RBFOX1: variants seen among roughly 807,000 people sequenced by gnomAD.
RBFOX1 encodes the protein RNA binding fox-1 homolog 1, also known as RNA binding protein fox-1 homolog 1.
In RBFOX1, 8 loss-of-function variants were observed where a neutral mutation model predicts 57.7. The observed-to-expected ratio is 0.14, with a 90% CI of 0.08 to 0.25. The LOEUF is 0.25. RBFOX1 is among the 10% of genes least tolerant of loss of function. RBFOX1 has a pLI of 1.00. For synonymous variants in RBFOX1, 326 were observed against 222.4 expected (o/e 1.47, Z -4.15); for missense variants, 611 against 548.5 (o/e 1.11, Z -1.14).
At chr16:6,982,954 A>G (rs1965968) in intron 3 of RBFOX1, among the ~76,000 whole-genome samples, 3 of 144,316 alleles carry the variant, frequency 2.1e-5, no homozygotes, top group African/African-American at 7.9e-5. Flanking sequence ...ACATCATGCC[A>G]TTGTGCTCCA....
At chr16:7,572,363 C>G (rs11860684) in intron 5 of RBFOX1, among the ~76,000 whole-genome samples, 21,167 of 152,152 alleles carry the variant, frequency 0.14, 1,656 homozygotes, top group East Asian at 0.22. Flanking sequence ...CAGATATTTA[C>G]TGAGAACTTA....
At chr16:5,633,942 A>G (rs2048602113) in intron 3 of RBFOX1, among the ~76,000 whole-genome samples, 2 of 152,176 alleles carry the variant, frequency 1.3e-5, no homozygotes, top group African/African-American at 4.8e-5. Context: ...AAAAATGCTC[A>G]ACATCCCTAA....
intron 4 of RBFOX1, among the ~76,000 whole-genome samples, chr16:7,283,416 T>C (rs141919041): frequency 6.6e-6 from 1 of 152,066 alleles, no homozygotes; most frequent in African/African-American, 2.4e-5. Flanking sequence ...GTTGGAAAGA[T>C]TTAGGGGAGC....
At chr16:6,037,674 A>T (rs1444869355) in intron 1 of RBFOX1, 3 of 151,806 alleles carry the variant, frequency 2.0e-5, no homozygotes, top group Non-Finnish European at 2.9e-5. Context: ...GGCTCACTGC[A>T]ACCTCCGCCT....
At chr16:6,251,103 T>A (rs1467406569) in intron 1 of RBFOX1, among the ~76,000 whole-genome samples, 4 of 152,154 alleles carry the variant, frequency 2.6e-5, no homozygotes, top group African/African-American at 7.2e-5. Context: ...ATAGCCATTG[T>A]GTTCAGCTCT....
intron 4 of RBFOX1, among the ~76,000 whole-genome samples, chr16:7,388,409 G>A (rs999613862): frequency 6.6e-6 from 1 of 152,178 alleles, no homozygotes; most frequent in Non-Finnish European, 1.5e-5. Context: ...TTTAAAATCT[G>A]TAGAGTGAAG....
intron 3 of RBFOX1, among the ~76,000 whole-genome samples, chr16:7,017,465 G>A (rs1338649749): frequency 1.3e-5 from 2 of 152,134 alleles, no homozygotes; most frequent in Admixed American, 6.5e-5. Context: ...ACACACTGAC[G>A]CGCGCACACA....
At chr16:7,550,102 T>A (rs2085876008) in intron 5 of RBFOX1, among the ~76,000 whole-genome samples, 2 of 150,172 alleles carry the variant, frequency 1.3e-5, no homozygotes, top group African/African-American at 2.5e-5. Flanking sequence ...GCTAATTTTT[T>A]AATTTTTTAT....
chr16:6,003,069 G>T (rs1408570380), intron 4 of RBFOX1, among the ~76,000 whole-genome samples: 4 of 151,980 alleles, frequency 2.6e-5, no homozygotes, highest in African/African-American at 9.7e-5. Context: ...CACGAGGTCA[G>T]GAGATCGAGA....
chr16:5,945,401 T>C (rs1302181710), intron 4 of RBFOX1, among the ~76,000 whole-genome samples: 6 of 152,240 alleles, frequency 3.9e-5, no homozygotes, highest in Non-Finnish European at 8.8e-5. Context: ...CTGCTGCTGC[T>C]GGACATTGGC....
chr16:7,492,879 C>T (rs1347318378), intron 4 of RBFOX1, among the ~76,000 whole-genome samples: 1 of 152,050 alleles, frequency 6.6e-6, no homozygotes, highest in Non-Finnish European at 1.5e-5. Context: ...ATGCTGGCAC[C>T]AACCATGAGC....
Position 6,289,566 on chromosome 16 carries a change from T to C in RBFOX1, c.-126-27429T>C, listed in dbSNP as rs1342940970. Among the ~76,000 whole-genome samples, 5 of 152,176 alleles carry C rather than the reference T, an allele frequency of 3.3e-5. 1 individual carries two copies. Among genetic ancestry groups the C allele is most frequent in the Non-Finnish European group, 7.4e-5 (5 of 68,020 alleles). On this transcript the variant is annotated intron_variant, in intron 1 of 15. Transcript: ENST00000550418. ...TGGTAATAGCTGGAAGACTGTTCTCTTATGCCCTTTTAATTGAGTGTCTTT... is the reference window on the plus strand; with the variant it reads ...TGGTAATAGCTGGAAGACTGTTCTCCTATGCCCTTTTAATTGAGTGTCTTT...
intron 15 of RBFOX1, chr16:7,709,663 G>A (rs2083609659): frequency 2.0e-6 from 3 of 1,499,236 alleles, no homozygotes; most frequent in East Asian, 2.6e-5. Flanking sequence ...CTTTGTGTGT[G>A]TACCTAGTAC....
chr16:7,260,903 T>C (rs1459489255), intron 4 of RBFOX1, among the ~76,000 whole-genome samples: 2 of 151,842 alleles, frequency 1.3e-5, no homozygotes, highest in South Asian at 2.1e-4. Flanking sequence ...GTCACTGGGG[T>C]TGGACCCATC....
At chr16:5,430,260 GGGCCTGACCTGGGGGTCAGGGGA>G (rs2067689526) in intron 1 of RBFOX1, among the ~76,000 whole-genome samples, 1 of 152,144 alleles carries the variant, frequency 6.6e-6, no homozygotes, top group South Asian at 2.1e-4. Context: ...GCAGGTGGTG[GGGCCTGACCTGGGGGTCAGGGGA>G]GGCCTCTCAA....
intron 1 of RBFOX1, among the ~76,000 whole-genome samples, chr16:6,202,387 G>A (rs769546130): frequency 6.6e-6 from 1 of 152,056 alleles, no homozygotes; most frequent in Non-Finnish European, 1.5e-5. Context: ...GATCTTCATG[G>A]CAGCTTTAAA....
rs557835287 is a variant in RBFOX1, at chr16:5,750,453, G to A, written c.319-116850G>A. ...CTGCTACCTTTTGTTTGGCTATGCC[G>A]TGCCCCCAGAGGTGGAGTCTACAGA... On this transcript the variant is annotated intron_variant, in intron 3 of 19. Transcript: ENST00000641259. Among the ~76,000 whole-genome samples, 174 of 152,312 alleles carry A rather than the reference G, an allele frequency of 1.1e-3. 1 individual carries two copies. The highest frequency in any genetic ancestry group is 3.1e-3 in the African/African-American group (128 of 41,578).
chr16:6,337,731 C>A (rs906138989), intron 2 of RBFOX1, among the ~76,000 whole-genome samples: 7 of 151,992 alleles, frequency 4.6e-5, no homozygotes, highest in Non-Finnish European at 7.4e-5. Flanking sequence ...AAGACCATCT[C>A]TGTAAAAAAA....
chr16:7,621,504 CT>C (rs1443882422), intron 10 of RBFOX1, among the ~76,000 whole-genome samples: 1 of 152,122 alleles, frequency 6.6e-6, no homozygotes, highest in Non-Finnish European at 1.5e-5. Context: ...TCAAGTGATC[CT>C]CCTGCCTTGG....
Sources: gnomAD v4.1 joint callset for allele counts (sites outside exome capture counted in the v4.1 genomes callset) on GRCh38, gnomAD v4.1.1 for gene constraint, MANE v1.5 for transcripts, NCBI Gene and HGNC (gene_info 2026-07-23, HGNC 2026-07-21) for gene names.